Variants in MAP3K20 observed in about 807,000 individuals in gnomAD.
The protein encoded by MAP3K20 is HCCS-4.
MAP3K20 carries 40 observed loss-of-function variants against 85.7 expected under a neutral mutation model. That is an observed-to-expected ratio of 0.47 (90% CI 0.36 to 0.61). The LOEUF (loss-of-function observed/expected upper bound fraction) is 0.61, where lower values mean the gene tolerates loss of function less well. MAP3K20 is among the 20% of genes least tolerant of loss of function. The pLI is 0.00. For missense variants in MAP3K20, 817 were observed against 961.7 expected, an observed-to-expected ratio of 0.85 and a Z score of 1.99; for synonymous variants, 325 against 327.7, an observed-to-expected ratio of 0.99 and a Z score of 0.09.
intron 3 of MAP3K20, among the ~76,000 whole-genome samples, chr2:173,176,053 TTTAA>T (rs1690143329): frequency 6.6e-6 from 1 of 152,188 alleles, no homozygotes; most frequent in Non-Finnish European, 1.5e-5. Context: ...AGATATAGTG[TTTAA>T]TTAATGATGT....
chr2:173,218,849 T>A (rs544557900), intron 11 of MAP3K20, among the ~76,000 whole-genome samples: 94 of 152,342 alleles, frequency 6.2e-4, no homozygotes, highest in African/African-American at 2.2e-3. Context: ...GCGTAATAAA[T>A]AATAAAGTGC....
chr2:173,206,231 T>C (rs576971016), intron 9 of MAP3K20, among the ~76,000 whole-genome samples: 88 of 152,382 alleles, frequency 5.8e-4, no homozygotes, highest in African/African-American at 2.0e-3. Flanking sequence ...ATTCTAAGAA[T>C]GTACATTTAT....
At chr2:173,224,309 A>G in intron 11 of MAP3K20, 1 of 985,440 alleles carries the variant, frequency 1.0e-6, no homozygotes, top group Non-Finnish European at 1.2e-6. Context: ...GTAAACCTGG[A>G]GTCTCATTTA....
chr2:173,089,306 T>C (rs1373442088), intron 1 of MAP3K20, among the ~76,000 whole-genome samples: 2 of 152,212 alleles, frequency 1.3e-5, no homozygotes, highest in Admixed American at 1.3e-4. Flanking sequence ...TCTATTCCTA[T>C]GTACTTTTTT....
rs57836780 is a variant in MAP3K20, at chr2:173,173,154, C to CTGTGTGTGTGTG, written c.247+3294_247+3305dup. ...CTGTACTACTCCCATTCTTTTATTTCTGTGTGTGTGTGTGTGTGTGTGTGT... is the reference window on the plus strand; with the variant it reads ...CTGTACTACTCCCATTCTTTTATTTCTGTGTGTGTGTGTGTGTGTGTGTGTGTGTGTGTGTGT... On this transcript the variant is annotated intron_variant, in intron 3 of 19. Transcript: ENST00000375213. Among the ~76,000 whole-genome samples the CTGTGTGTGTGTG allele has an allele frequency of 7.9e-5, 11 of 138,612 alleles. No individual in the cohort carries two copies. In the East Asian group the frequency reaches 8.3e-4, roughly 10 times the overall value. The allele number at this position is 138,612 out of a possible 152,430, so 90.9% of individuals were successfully genotyped here. A position where few individuals can be genotyped will look rare whatever the true frequency, so the allele number is the denominator to read the frequency against.
Position 173,091,133 on chromosome 2 carries a change from A to T in MAP3K20, c.102A>T (p.Lys34Asn). 1 of 1,614,084 alleles carries T rather than the reference A, an allele frequency of 6.2e-7. No homozygotes were observed. Among genetic ancestry groups the T allele is most frequent in the Non-Finnish European group, 8.5e-7 (1 of 1,179,986 alleles). ...GTTTTGGGAGTGTTTATCGAGCCAA[A>T]TGGATATCACAGGACAAGGAGGTGG... ...GGSFGSVYRA[K>N]WISQDKEVAV... Residue 34 changes from lysine (K) to asparagine (N), a missense_variant, in exon 2 of 20, where the codon AAA (lysine) becomes AAT (asparagine). This residue lies in a region of MAP3K20 where 200 missense variants were observed against 302.7 expected (regional missense o/e 0.66). Coordinates refer to ENST00000375213, the MANE Select transcript of MAP3K20 (RefSeq NM_016653.3).
intron 2 of MAP3K20, among the ~76,000 whole-genome samples, chr2:173,109,311 A>G (rs574126236): frequency 3.3e-5 from 5 of 152,330 alleles, no homozygotes; most frequent in African/African-American, 7.2e-5. Context: ...TTACTAAGCA[A>G]TAATGCTTTA....
At chr2:173,222,959 G>C in intron 11 of MAP3K20, 5 of 985,374 alleles carry the variant, frequency 5.1e-6, no homozygotes, top group Non-Finnish European at 6.0e-6. Flanking sequence ...GTCATTATTT[G>C]ACTGTTAAAC....
At chr2:173,253,490 C>T (rs1685088497) in intron 16 of MAP3K20, among the ~76,000 whole-genome samples, 1 of 152,170 alleles carries the variant, frequency 6.6e-6, no homozygotes, top group Non-Finnish European at 1.5e-5. Context: ...CCTTGCCCCA[C>T]AATGTCCCAC....
chr2:173,203,880 T>C lies in MAP3K20; in HGVS notation c.744+10T>C, dbSNP rs766748334. On this transcript the variant is annotated intron_variant, in intron 9 of 19. Transcript: ENST00000375213. ...GGAAGCTGATGCCAAGGTATACATA[T>C]GTATTTTTGTTATTGTTTAGAATTC... The C allele has an allele frequency of 6.8e-6, 11 of 1,611,040 alleles. No individual in the cohort carries two copies. Among genetic ancestry groups the C allele is most frequent in the Admixed American group, 1.7e-5 (1 of 59,922 alleles).
intron 3 of MAP3K20, among the ~76,000 whole-genome samples, chr2:173,172,796 T>G (rs1040157691): frequency 8.6e-5 from 13 of 151,586 alleles, no homozygotes; most frequent in Non-Finnish European, 1.8e-4. Context: ...TCATCTTTTC[T>G]TTTCTTTTCT....
intron 11 of MAP3K20, chr2:173,221,711 CG>C (rs1201996522): frequency 2.3e-6 from 3 of 1,307,214 alleles, no homozygotes; most frequent in Non-Finnish European, 1.9e-6. Flanking sequence ...TACAGAAAAA[CG>C]GGGGGAGAAT....
chr2:173,152,449 A>C (rs1320440021), intron 2 of MAP3K20, among the ~76,000 whole-genome samples: 3 of 152,186 alleles, frequency 2.0e-5, no homozygotes, highest in African/African-American at 7.2e-5. Flanking sequence ...CCTAGGTTCT[A>C]AGCTTTGTTG....
chr2:173,187,352 A>G lies in MAP3K20; in HGVS notation c.350-206A>G, dbSNP rs57131128. Among the ~76,000 whole-genome samples the G allele has an allele frequency of 9.2e-3, 1,398 of 152,264 alleles. 24 individuals carry two copies. Among genetic ancestry groups the G allele is most frequent in the African/African-American group, 0.03 (1,233 of 41,546 alleles). On this transcript the variant is annotated intron_variant, in intron 4 of 19. Coordinates refer to ENST00000375213, the MANE Select transcript of MAP3K20 (RefSeq NM_016653.3). ...TAGATTTACCCACAGTCAAATTCCA[A>G]CCTCTAAGAGATTAAAGCTTATAAA...
chr2:173,164,017 T>C (rs1251970234), intron 2 of MAP3K20, among the ~76,000 whole-genome samples: 1 of 151,776 alleles, frequency 6.6e-6, no homozygotes, highest in Non-Finnish European at 1.5e-5. Context: ...TGGAGTGCAG[T>C]GGTGCAATCT....
chr2:173,241,051 T>A (rs552720010), intron 16 of MAP3K20, among the ~76,000 whole-genome samples: 2 of 152,082 alleles, frequency 1.3e-5, no homozygotes, highest in Non-Finnish European at 2.9e-5. Context: ...CTTGAACTCA[T>A]GGAGATAGTA....
At chr2:173,232,566 C>T (rs1323157242) in intron 14 of MAP3K20, 107 bp downstream of exon 14, 5 of 1,512,610 alleles carry the variant, frequency 3.3e-6, no homozygotes, top group Non-Finnish European at 4.4e-6. Context: ...TGCAAAGGCA[C>T]AATCTTGGCT....
intron 11 of MAP3K20, chr2:173,224,162 G>C: frequency 4.6e-6 from 4 of 863,920 alleles, no homozygotes; most frequent in Non-Finnish European, 5.6e-6. Flanking sequence ...AGGAGGACAA[G>C]GCCCATGGGT....
chr2:173,089,519 A>G (rs1325869479), intron 1 of MAP3K20, among the ~76,000 whole-genome samples: 4 of 152,154 alleles, frequency 2.6e-5, no homozygotes, highest in Non-Finnish European at 5.9e-5. Flanking sequence ...TAATATCCCA[A>G]TAATATTTTC....
Sources: allele counts gnomAD v4.1 joint callset (sites outside exome capture counted in the v4.1 genomes callset), GRCh38; gene constraint gnomAD v4.1.1; regional missense constraint gnomAD v4.1.1; transcripts MANE v1.5; gene names NCBI Gene and HGNC (gene_info 2026-07-23, HGNC 2026-07-21).